MTMR10: variants seen among roughly 807,000 people sequenced by gnomAD.
The protein encoded by MTMR10 is myotubularin related protein 10, also known as myotubularin-related protein 10.
In MTMR10, 56 loss-of-function variants were observed where a neutral mutation model predicts 88.1. That is an observed-to-expected ratio of 0.64 (90% CI 0.51 to 0.79). MTMR10 has a LOEUF of 0.79. Ranked by LOEUF, MTMR10 falls within the 30% of genes least tolerant of loss-of-function variation. The pLI is 0.00. For missense variants in MTMR10, 883 were observed against 924.7 expected, an observed-to-expected ratio of 0.95 and a Z score of 0.58; for synonymous variants, 380 against 340.9, an observed-to-expected ratio of 1.11 and a Z score of -1.26.
At position 30,945,010 on chromosome 15, in the gene MTMR10, A is replaced by T. The variant is rs536192149; in HGVS notation, c.1549-1938T>A. On this transcript the variant is annotated intron_variant, in intron 14 of 15. Transcript: ENST00000435680. ...CTGGGTGACAGAGCCAAACTGTCTT[A>T]AAAAAAAAAAAAAAGATGTTCTCTT... is the stretch of plus-strand genomic sequence containing the variant. 1.4e-3 allele frequency among the ~76,000 whole-genome samples: 180 copies of T among 132,832 alleles called. 2 individuals carry two copies. The highest frequency in any genetic ancestry group is 5.4e-3 in the African/African-American group (171 of 31,418). 87.1% of individuals were successfully genotyped at this position (132,832 alleles called of 152,430 possible).
In MTMR10 at chr15:30,940,935, TAAG is replaced by T; in HGVS notation, c.*532_*534del. ...CTCATGATTTCAAAACACAGTGATC[TAAG>T]GTTCCAAAGAAGGTGATCTAAAATC... On this transcript the variant is annotated 3_prime_UTR_variant, in exon 16 of 16. Coordinates refer to ENST00000435680, the MANE Select transcript of MTMR10 (RefSeq NM_017762.3). 9.2e-7 allele frequency: 1 copy of T among 1,085,544 alleles called. No individual in the cohort carries two copies. Among genetic ancestry groups the T allele is most frequent in the African/African-American group, 1.7e-5 (1 of 59,206 alleles). The allele number at this position is 1,085,544 out of a possible 1,614,324, so 67.2% of individuals were successfully genotyped here. A position where few individuals can be genotyped will look rare whatever the true frequency, so the allele number is the denominator to read the frequency against.
At chr15:30,990,931 C>A (rs1595957905) in intron 1 of MTMR10, 94 bp from the exon 2 acceptor site, 3 of 1,035,676 alleles carry the variant, frequency 2.9e-6, no homozygotes, top group Non-Finnish European at 4.3e-6. Context: ...ATGACACATG[C>A]GAAAGACACA....
chr15:30,946,961 T>C, intron 14 of MTMR10, 169 bp downstream of exon 14: 3 of 864,202 alleles, frequency 3.5e-6, no homozygotes, highest in Admixed American at 3.3e-5. Context: ...AAAAATAATT[T>C]CCTAGATTTT....
At chr15:30,936,657 TG>T (rs202011721), downstream of MTMR10, among the ~76,000 whole-genome samples, 353 of 85,322 alleles carry the variant, frequency 4.1e-3, no homozygotes, top group Non-Finnish European at 6.1e-3. Flanking sequence ...CTGAAAATAT[TG>T]TTAAGTTGAA....
intron 2 of MTMR10, among the ~76,000 whole-genome samples, chr15:30,983,979 A>ATTT (rs2030764023): frequency 6.6e-6 from 1 of 152,156 alleles, no homozygotes; most frequent in Non-Finnish European, 1.5e-5. Context: ...TGTAGAATGA[A>ATTT]ATCTTGAAGG....
chr15:30,974,034 C>A (rs989805215), intron 5 of MTMR10, among the ~76,000 whole-genome samples: 1 of 152,064 alleles, frequency 6.6e-6, no homozygotes, highest in African/African-American at 2.4e-5. Flanking sequence ...AAGAAACTGA[C>A]AAGTAATGAT....
intron 5 of MTMR10, among the ~76,000 whole-genome samples, chr15:30,968,861 T>C (rs2141037996): frequency 1.3e-5 from 2 of 152,248 alleles, no homozygotes; most frequent in South Asian, 4.1e-4. Flanking sequence ...TGCTGCTAGA[T>C]AGAATGAAGG....
Position 30,939,516 on chromosome 15 carries a change from TAAC to T in MTMR10, c.*1951_*1953del, listed in dbSNP as rs767062868. ...AAACTGTAGCACAATAATCATGATA[TAAC>T]AACTGTCCAGCAAAAATAAAAGTAT... On this transcript the variant is annotated 3_prime_UTR_variant, in exon 16 of 16. Coordinates refer to ENST00000435680, the MANE Select transcript of MTMR10 (RefSeq NM_017762.3). 35 of 981,312 alleles carry T rather than the reference TAAC, an allele frequency of 3.6e-5. No individual in the cohort carries two copies. The highest frequency in any genetic ancestry group is 1.9e-4 in the African/African-American group (11 of 57,116). The allele number at this position is 981,312 out of a possible 1,614,324, so 60.8% of individuals were successfully genotyped here.
At chr15:30,929,567 TTATTA>T in the MTMR10 span, among the ~76,000 whole-genome samples, 4 of 125,490 alleles carry the variant, frequency 3.2e-5, no homozygotes, top group Non-Finnish European at 6.8e-5. Flanking sequence ...TATTATATCT[TTATTA>T]TATTTATTAT....
downstream of MTMR10, among the ~76,000 whole-genome samples, chr15:30,936,185 A>G (rs1161101599): frequency 6.6e-6 from 1 of 152,142 alleles, no homozygotes; most frequent in Non-Finnish European, 1.5e-5. Flanking sequence ...CTTCATGAAG[A>G]TGACATGTAG....
At chr15:30,964,478 C>A (rs2063448789) in intron 6 of MTMR10, among the ~76,000 whole-genome samples, 1 of 152,180 alleles carries the variant, frequency 6.6e-6, no homozygotes, top group Admixed American at 6.5e-5. Context: ...TTTGCCATTT[C>A]TCTCGTTCAA....
intron 3 of MTMR10, 29 bp downstream of exon 3, chr15:30,976,789 AG>A: frequency 6.3e-7 from 1 of 1,593,254 alleles, no homozygotes; most frequent in Non-Finnish European, 8.5e-7. Context: ...AAAGCCTGAT[AG>A]AATGAAACAG....
chr15:30,955,358 C>G (rs1003629797), intron 9 of MTMR10, among the ~76,000 whole-genome samples: 1 of 152,194 alleles, frequency 6.6e-6, no homozygotes, highest in Non-Finnish European at 1.5e-5. Flanking sequence ...GCAACCTCCC[C>G]CTCCCGGGTT....
intron 14 of MTMR10, among the ~76,000 whole-genome samples, chr15:30,945,666 C>T (rs1005791167): frequency 3.9e-5 from 6 of 152,062 alleles, no homozygotes; most frequent in South Asian, 2.1e-4. Flanking sequence ...ATTATGGTGA[C>T]GAAAAATAAA....
At chr15:30,948,100 T>G (rs929350715) in intron 13 of MTMR10, among the ~76,000 whole-genome samples, 3 of 152,226 alleles carry the variant, frequency 2.0e-5, no homozygotes, top group African/African-American at 7.2e-5. Flanking sequence ...TAGACAACTT[T>G]TAAAAATTTC....
intron 9 of MTMR10, among the ~76,000 whole-genome samples, chr15:30,958,279 G>A (rs373833471): frequency 1.2e-4 from 18 of 152,226 alleles, no homozygotes; most frequent in South Asian, 2.1e-4. Flanking sequence ...CAGAAGGCAC[G>A]GAGTGCCAGT....
chr15:30,939,336 G>T lies in MTMR10; in HGVS notation c.*2134C>A. On this transcript the variant is annotated 3_prime_UTR_variant, in exon 16 of 16. Transcript: ENST00000435680. ...GCATTCCCTCAGCACGGGCTCTGCT[G>T]GCGGGCAGCAGGGGTGCTGAGCTCT... The T allele has an allele frequency of 1.0e-6, 1 of 985,464 alleles. No individual in the cohort carries two copies. The highest frequency in any genetic ancestry group is 1.2e-6 in the Non-Finnish European group (1 of 829,954). 61.0% of individuals were successfully genotyped at this position (985,464 alleles called of 1,614,324 possible). A position where few individuals can be genotyped will look rare whatever the true frequency, so the allele number is the denominator to read the frequency against.
chr15:30,968,002 A>C lies in MTMR10; in HGVS notation c.483T>G (p.Leu161=), dbSNP rs1376959247. ...SGPESAKKVC[L]AIAHYSQPTD... is the part of the protein sequence containing the mutation. ...TTGGCTGGGAATAATGAGCTATTGC[A>C]AGGCATACCTAGGAAAAATTCTACA... is the stretch of plus-strand genomic sequence containing the variant. Residue 161 remains leucine, a synonymous_variant, in exon 6 of 16, where the codon CTT becomes CTG. Coordinates refer to ENST00000435680, the MANE Select transcript of MTMR10 (RefSeq NM_017762.3). The C allele has an allele frequency of 6.4e-7, 1 of 1,564,050 alleles. No individual in the cohort carries two copies. Among genetic ancestry groups the C allele is most frequent in the South Asian group, 1.2e-5 (1 of 84,542 alleles).
the MTMR10 span, chr15:30,922,284 C>T: frequency 1.2e-6 from 2 of 1,613,976 alleles, no homozygotes; most frequent in Non-Finnish European, 1.7e-6. Context: ...ATTTATTGTC[C>T]TGACAGCAGA....
Sources: allele counts gnomAD v4.1 joint callset (sites outside exome capture counted in the v4.1 genomes callset), GRCh38; gene constraint gnomAD v4.1.1; transcripts MANE v1.5; gene names NCBI Gene and HGNC (gene_info 2026-07-23, HGNC 2026-07-21).